The following B4GALT6 variants were observed in gnomAD, a reference collection of about 807,000 sequenced individuals.
B4GALT6 encodes the protein UDP-Gal:beta-GlcNAc beta-1,4-galactosyltransferase 6.
Under a neutral mutation model 46.3 loss-of-function variants are expected in B4GALT6, and 14 were observed. That is an observed-to-expected ratio of 0.30 (90% CI 0.20 to 0.47). B4GALT6 has a LOEUF of 0.47. B4GALT6 is among the 20% of genes least tolerant of loss of function. B4GALT6 has a pLI of 0.99. For synonymous variants in B4GALT6, 168 were observed against 162.0 expected (o/e 1.04, Z -0.28); for missense variants, 386 against 480.1 (o/e 0.80, Z 1.83).
chr18:31,712,558 C>G, the B4GALT6 span, among the ~76,000 whole-genome samples: 1 of 152,132 alleles, frequency 6.6e-6, no homozygotes, highest in African/African-American at 2.4e-5. Context: ...CTGCCTGATC[C>G]ACCTGCCTCA....
chr18:31,652,456 C>A (rs2074083652), intron 3 of B4GALT6, among the ~76,000 whole-genome samples: 1 of 152,080 alleles, frequency 6.6e-6, no homozygotes, highest in Non-Finnish European at 1.5e-5. Context: ...TCTCTAGGTT[C>A]CTGTCTCCCC....
At chr18:31,681,987 C>A (rs1485115690) in intron 1 of B4GALT6, among the ~76,000 whole-genome samples, 1 of 152,078 alleles carries the variant, frequency 6.6e-6, no homozygotes, top group Non-Finnish European at 1.5e-5. Context: ...GTTATAAGAA[C>A]CTAATTACTT....
intron 2 of B4GALT6, among the ~76,000 whole-genome samples, chr18:31,660,121 G>A (rs1287688384): frequency 6.6e-6 from 1 of 151,626 alleles, no homozygotes; most frequent in African/African-American, 2.4e-5. Flanking sequence ...ACCACACCCA[G>A]CTAATTTTGT....
At chr18:31,720,050 G>A in the B4GALT6 span, among the ~76,000 whole-genome samples, 2 of 152,334 alleles carry the variant, frequency 1.3e-5, no homozygotes, top group Non-Finnish European at 1.5e-5. Flanking sequence ...CAAGAAGGGG[G>A]TCTTTTCAGA....
intron 4 of B4GALT6, among the ~76,000 whole-genome samples, chr18:31,641,127 C>CAG (rs2073925677): frequency 6.6e-6 from 1 of 152,172 alleles, no homozygotes; most frequent in African/African-American, 2.4e-5. Flanking sequence ...TAAATGGCTG[C>CAG]AGAGTCCCAA....
Position 31,625,586 on chromosome 18 carries a change from G to C in B4GALT6, c.*28C>G. 1 of 1,612,640 alleles carries C rather than the reference G, an allele frequency of 6.2e-7. No homozygotes were observed. Among genetic ancestry groups the C allele is most frequent in the East Asian group, 2.2e-5 (1 of 44,818 alleles). On this transcript the variant is annotated 3_prime_UTR_variant, in exon 9 of 9. Coordinates refer to ENST00000306851, the MANE Select transcript of B4GALT6 (RefSeq NM_004775.5). ...TCCAAGTTTATGATCCAGCATTGTG[G>C]TCTACCTTGCCACGACAGCCACTTC...
At chr18:31,636,859 C>T (rs1225286475) in intron 5 of B4GALT6, among the ~76,000 whole-genome samples, 1 of 152,154 alleles carries the variant, frequency 6.6e-6, no homozygotes, top group East Asian at 1.9e-4. Flanking sequence ...TCTCGCTCTG[C>T]CGCCCAGGCT....
At chr18:31,662,627 G>C (rs909917558) in intron 2 of B4GALT6, among the ~76,000 whole-genome samples, 1 of 152,162 alleles carries the variant, frequency 6.6e-6, no homozygotes, top group African/African-American at 2.4e-5. Flanking sequence ...GGACCACAAG[G>C]TCAGGAGATC....
chr18:31,625,828 T>C lies in B4GALT6; in HGVS notation c.1002-67A>G, dbSNP rs140540557. ...TTCAAAAAGGAAAACTGATAAGGAC[T>C]GTGTTCAAGGTCATCTTATAATTAA... On this transcript the variant is annotated intron_variant, in intron 8 of 8. Transcript: ENST00000306851. The C allele has an allele frequency of 1.5e-5, 21 of 1,365,956 alleles. No homozygotes were observed. In the African/African-American group the frequency reaches 2.5e-4, roughly 16 times the overall value. 84.6% of individuals were successfully genotyped at this position (1,365,956 alleles called of 1,614,324 possible).
intron 1 of B4GALT6, among the ~76,000 whole-genome samples, chr18:31,670,057 CTT>C (rs534836152): frequency 1.8e-4 from 26 of 143,770 alleles, no homozygotes; most frequent in Non-Finnish European, 2.0e-4. Context: ...AAATGATGAT[CTT>C]TTTTTTTTTT....
At chr18:31,661,066 T>C (rs767513277) in intron 2 of B4GALT6, among the ~76,000 whole-genome samples, 12 of 151,934 alleles carry the variant, frequency 7.9e-5, no homozygotes, top group Non-Finnish European at 5.9e-5. Context: ...GCTCTGCAAA[T>C]TGGGGGGAAA....
the B4GALT6 span, among the ~76,000 whole-genome samples, chr18:31,691,536 G>A: frequency 6.6e-6 from 1 of 151,884 alleles, no homozygotes; most frequent in African/African-American, 2.4e-5. Context: ...GCCAACAGAA[G>A]CAATTCAAGA....
chr18:31,679,009 T>G (rs1005389649), intron 1 of B4GALT6, among the ~76,000 whole-genome samples: 2 of 152,306 alleles, frequency 1.3e-5, no homozygotes, highest in East Asian at 3.9e-4. Context: ...GAAAATGCAT[T>G]TTAGTCCCAA....
chr18:31,696,337 G>T, the B4GALT6 span, among the ~76,000 whole-genome samples: 7 of 123,984 alleles, frequency 5.6e-5, no homozygotes, highest in Non-Finnish European at 1.0e-4. Context: ...ATAGAAAAAA[G>T]TTCAAAAATA....
chr18:31,724,275 C>T, the B4GALT6 span: 2 of 391,906 alleles, frequency 5.1e-6, no homozygotes, highest in Admixed American at 6.6e-5. Context: ...GTCCCGGCTG[C>T]GTCTCTGGGC....
chr18:31,697,069 G>C, the B4GALT6 span, among the ~76,000 whole-genome samples: 1 of 152,114 alleles, frequency 6.6e-6, no homozygotes, highest in Non-Finnish European at 1.5e-5. Context: ...CCAGGAGTTA[G>C]AGACCATCCT....
rs1353252859 is a variant in B4GALT6 at position 31,684,355 on chromosome 18, G to A, written c.72C>T (p.Leu24=). ...SLLAFIFFFS[L]SSSCLYFIYV... is the part of the protein sequence containing the mutation. ...AGATGAAGTACAGACAGGACGAAGA[G>A]AGGGAGAAGAAGAAGATGAAGGCGA... is the stretch of plus-strand genomic sequence containing the variant. The change falls in exon 1 of 9, where the codon CTC becomes CTT. Residue 24 remains leucine, a synonymous_variant. Coordinates refer to ENST00000306851, the MANE Select transcript of B4GALT6 (RefSeq NM_004775.5). 6.2e-7 allele frequency: 1 copy of A among 1,613,928 alleles called. No individual in the cohort carries two copies. The highest frequency in any genetic ancestry group is 2.2e-5 in the East Asian group (1 of 44,838).
intron 2 of B4GALT6, among the ~76,000 whole-genome samples, chr18:31,660,544 GACAGTA>G (rs1003012540): frequency 2.7e-5 from 4 of 150,492 alleles, no homozygotes; most frequent in Non-Finnish European, 4.4e-5. Context: ...ATTTGAGGGA[GACAGTA>G]ACAGTAAGAA....
At chr18:31,714,983 T>C in the B4GALT6 span, among the ~76,000 whole-genome samples, 4 of 152,312 alleles carry the variant, frequency 2.6e-5, no homozygotes, top group Admixed American at 1.3e-4. Flanking sequence ...GAGCTTGAGT[T>C]TCAGATAAAC....
Sources: gnomAD v4.1 joint callset for allele counts (sites outside exome capture counted in the v4.1 genomes callset) on GRCh38, gnomAD v4.1.1 for gene constraint, MANE v1.5 for transcripts, NCBI Gene and HGNC (gene_info 2026-07-23, HGNC 2026-07-21) for gene names.